L3MBTL4: variants seen among roughly 807,000 people sequenced by gnomAD.
L3MBTL4 encodes the protein L3MBTL histone methyl-lysine binding protein 4, also known as lethal(3)malignant brain tumor-like protein 4.
L3MBTL4 carries 70 observed loss-of-function variants against 84.5 expected under a neutral mutation model. That is an observed-to-expected ratio of 0.83 (90% CI 0.68 to 1.01). The LOEUF is 1.01. Ranked by LOEUF, L3MBTL4 falls within the 50% of genes least tolerant of loss-of-function variation. The pLI is 0.00. For missense variants in L3MBTL4, 715 were observed against 754.8 expected, an observed-to-expected ratio of 0.95 and a Z score of 0.62; for synonymous variants, 274 against 259.8, an observed-to-expected ratio of 1.05 and a Z score of -0.52.
At chr18:6,266,184 T>C (rs1335268968) in intron 4 of L3MBTL4, among the ~76,000 whole-genome samples, 2 of 152,210 alleles carry the variant, frequency 1.3e-5, no homozygotes, top group Admixed American at 1.3e-4. Flanking sequence ...CAGCAACTTC[T>C]ATGTGCTAAG....
In L3MBTL4 at chr18:6,181,702, C is replaced by T. The variant is rs955810557; in HGVS notation, c.982-9760G>A. Among the ~76,000 whole-genome samples, 8 of 151,352 alleles carry T rather than the reference C, an allele frequency of 5.3e-5. 1 individual carries two copies. Among genetic ancestry groups the T allele is most frequent in the Admixed American group, 5.2e-4 (8 of 15,248 alleles). ...CAAGTAGGCCCCAGCATCTCTTGTT[C>T]TCTTTGTATCCACACATACTCAATG... On this transcript the variant is annotated intron_variant, in intron 12 of 18. Coordinates refer to ENST00000317931, the MANE Select transcript of L3MBTL4 (RefSeq NM_001330559.2).
chr18:6,359,984 A>T (rs558775327), intron 1 of L3MBTL4, among the ~76,000 whole-genome samples: 1 of 152,344 alleles, frequency 6.6e-6, no homozygotes, highest in East Asian at 1.9e-4. Flanking sequence ...GCACCACATG[A>T]CATACTAACA....
chr18:6,281,732 G>T (rs1193750933), intron 4 of L3MBTL4, among the ~76,000 whole-genome samples: 2 of 152,084 alleles, frequency 1.3e-5, no homozygotes, highest in Admixed American at 1.3e-4. Flanking sequence ...AACTAGCTGA[G>T]AAAAATTACA....
At chr18:6,013,843 T>C (rs909583114) in intron 16 of L3MBTL4, among the ~76,000 whole-genome samples, 2 of 152,224 alleles carry the variant, frequency 1.3e-5, no homozygotes, top group African/African-American at 4.8e-5. Context: ...ATAAAAGGGA[T>C]TGATCTGATA....
Position 6,193,667 on chromosome 18 carries a change from G to A in L3MBTL4, c.981+19482C>T, listed in dbSNP as rs551426934. On this transcript the variant is annotated intron_variant, in intron 12 of 18. Transcript: ENST00000317931. ...GCGGATAAAGGGCGAGATACAGTTG[G>A]GCTGGTGGGATCAAAGGAGCAGGTG... Among the ~76,000 whole-genome samples the A allele has an allele frequency of 5.9e-5, 9 of 152,330 alleles. No homozygotes were observed. The South Asian group carries it at 1.9e-3, about 32-fold the overall frequency.
intron 16 of L3MBTL4, chr18:6,030,267 C>T (rs1341322272): frequency 1.0e-6 from 1 of 982,612 alleles, no homozygotes; most frequent in Non-Finnish European, 1.2e-6. Context: ...CCCCCTTATA[C>T]CTGTTGAATT....
chr18:6,207,920 C>T (rs2045939797), intron 12 of L3MBTL4, among the ~76,000 whole-genome samples: 1 of 151,708 alleles, frequency 6.6e-6, no homozygotes, highest in Admixed American at 6.6e-5. Context: ...GCCTGGGCAA[C>T]ACTGCAAACC....
Position 5,972,917 on chromosome 18 carries a change from T to G in L3MBTL4, c.1445-3355A>C, listed in dbSNP as rs371876073. 3.9e-3 allele frequency among the ~76,000 whole-genome samples: 106 copies of G among 26,838 alleles called. 3 individuals are homozygous for G. The East Asian group carries it at 0.045, about 11-fold the overall frequency. The allele number at this position is 26,838 out of a possible 152,430, so 17.6% of individuals were successfully genotyped here. On this transcript the variant is annotated intron_variant, in intron 16 of 18. Transcript: ENST00000317931. ...GAGAATAGAATAGAATAGAATAGAA[T>G]AGAATAGAATAGAATAGAATAGAAT...
At chr18:6,329,308 C>T (rs1294657283) in intron 1 of L3MBTL4, among the ~76,000 whole-genome samples, 1 of 151,830 alleles carries the variant, frequency 6.6e-6, no homozygotes, top group Non-Finnish European at 1.5e-5. Flanking sequence ...TTCTCACCAC[C>T]ACGCCCGGCT....
intron 14 of L3MBTL4, among the ~76,000 whole-genome samples, chr18:6,127,103 T>G (rs2059719848): frequency 6.6e-6 from 1 of 152,190 alleles, no homozygotes; most frequent in South Asian, 2.1e-4. Context: ...TTGAACACAG[T>G]GTTTCAATCA....
intron 14 of L3MBTL4, among the ~76,000 whole-genome samples, chr18:6,114,280 T>A (rs2059290323): frequency 6.6e-6 from 1 of 152,186 alleles, no homozygotes; most frequent in South Asian, 2.1e-4. Flanking sequence ...ACCTTCTTAT[T>A]TAATGCAGTT....
chr18:6,383,733 G>A (rs1377433942), intron 1 of L3MBTL4, among the ~76,000 whole-genome samples: 1 of 152,174 alleles, frequency 6.6e-6, no homozygotes, highest in Non-Finnish European at 1.5e-5. Context: ...ACTGGGAGCT[G>A]CACACCAGAG....
intron 14 of L3MBTL4, among the ~76,000 whole-genome samples, chr18:6,118,208 A>AACACACATACACACACAC (rs2059416600): frequency 7.1e-6 from 1 of 141,782 alleles, no homozygotes; most frequent in African/African-American, 2.7e-5. Context: ...AACACACACA[A>AACACACATACACACACAC]ACACACACAC....
At chr18:6,003,058 GTAT>G (rs2054289655) in intron 16 of L3MBTL4, among the ~76,000 whole-genome samples, 1 of 113,364 alleles carries the variant, frequency 8.8e-6, no homozygotes, top group African/African-American at 3.4e-5. Flanking sequence ...ATAAAATATA[GTAT>G]CTCTATTTAT....
At chr18:6,215,899 C>A in intron 10 of L3MBTL4, 64 bp from the exon 11 acceptor site, 1 of 893,398 alleles carries the variant, frequency 1.1e-6, no homozygotes, top group Non-Finnish European at 1.7e-6. Context: ...CCGTATACTA[C>A]AAAACGTTGG....
chr18:6,260,013 C>G (rs995495578), intron 5 of L3MBTL4: 1 of 152,168 alleles, frequency 6.6e-6, no homozygotes, highest in Non-Finnish European at 1.5e-5. Context: ...ATATGGCTAG[C>G]CAGCTATCCC....
At chr18:6,361,032 A>AG (rs2053670504) in intron 1 of L3MBTL4, among the ~76,000 whole-genome samples, 4 of 151,648 alleles carry the variant, frequency 2.6e-5, no homozygotes, top group Admixed American at 2.0e-4. Context: ...AAAAAAAAAA[A>AG]AAAAAAGATA....
At chr18:6,006,276 T>G (rs927523744) in intron 16 of L3MBTL4, among the ~76,000 whole-genome samples, 3 of 152,068 alleles carry the variant, frequency 2.0e-5, no homozygotes, top group African/African-American at 7.2e-5. Context: ...ACAGAACAGT[T>G]CAAGAACATG....
intron 1 of L3MBTL4, among the ~76,000 whole-genome samples, chr18:6,344,425 T>A (rs1262664012): frequency 6.6e-6 from 1 of 152,176 alleles, no homozygotes; most frequent in Non-Finnish European, 1.5e-5. Flanking sequence ...AAGCCCAGTA[T>A]CTGGTCACTT....
Sources: allele counts gnomAD v4.1 joint callset (sites outside exome capture counted in the v4.1 genomes callset), GRCh38; gene constraint gnomAD v4.1.1; transcripts MANE v1.5; gene names NCBI Gene and HGNC (gene_info 2026-07-23, HGNC 2026-07-21).